Variants in PVALB observed in about 807,000 individuals in gnomAD.
PVALB encodes the protein parvalbumin.
PVALB carries 11 observed loss-of-function variants against 10.9 expected under a neutral mutation model. That is an observed-to-expected ratio of 1.01 (90% CI 0.63 to 1.67). The LOEUF is 1.67. Ranked by LOEUF, PVALB falls within the 40% of genes most tolerant of loss-of-function variation. The pLI is 0.00. For synonymous variants in PVALB, 57 were observed against 50.7 expected, an observed-to-expected ratio of 1.12 and a Z score of -0.53; for missense variants, 131 against 136.2, an observed-to-expected ratio of 0.96 and a Z score of 0.19.
Position 36,815,243 on chromosome 22 carries a change from G to T in PVALB, c.62-8C>A, listed in dbSNP as rs201649417. 3.7e-6 allele frequency: 6 copies of T among 1,614,120 alleles called. No homozygotes were observed. Among genetic ancestry groups the T allele is most frequent in the Middle Eastern group, 1.6e-4 (1 of 6,062 alleles). On this transcript the variant is annotated splice_region_variant and splice_polypyrimidine_tract_variant and intron_variant, in intron 1 of 3. Coordinates refer to ENST00000417718, the MANE Select transcript of PVALB (RefSeq NM_001315532.2). ...GGTCGAAGGAGTCGGTAGCTGTGGGGGGAAGAGCAGGGTCAAACAAGGACC... is the reference window on the plus strand; with the variant it reads ...GGTCGAAGGAGTCGGTAGCTGTGGGTGGAAGAGCAGGGTCAAACAAGGACC...
At position 36,809,690 on chromosome 22, in the gene PVALB, G is replaced by A. The variant is rs569042259; in HGVS notation, c.304+3956C>T. Among the ~76,000 whole-genome samples the A allele has an allele frequency of 1.4e-4, 22 of 152,200 alleles. No individual in the cohort carries two copies. The South Asian group carries it at 3.3e-3, about 23-fold the overall frequency. Reference sequence around the variant, plus strand: ...GCACGGTGCCTGGCACATATTGAGCGCTCTATGAACTTAGATGCTATTGCC... The same window carrying A: ...GCACGGTGCCTGGCACATATTGAGCACTCTATGAACTTAGATGCTATTGCC... On this transcript the variant is annotated intron_variant, in intron 3 of 3. Transcript: ENST00000417718.
At chr22:36,819,212 G>A (rs531419419), upstream of PVALB, among the ~76,000 whole-genome samples, 5 of 152,246 alleles carry the variant, frequency 3.3e-5, 1 homozygote, top group Admixed American at 1.3e-4. Context: ...CACGGGGGGC[G>A]GTGGGTGGGG....
intron 3 of PVALB, among the ~76,000 whole-genome samples, chr22:36,806,362 A>T (rs1056111219): frequency 2.6e-5 from 4 of 152,114 alleles, no homozygotes; most frequent in African/African-American, 9.7e-5. Flanking sequence ...GGACTAGAGG[A>T]TTCTGTTCTT....
At chr22:36,803,263 T>C (rs1938896392) in intron 3 of PVALB, among the ~76,000 whole-genome samples, 1 of 152,194 alleles carries the variant, frequency 6.6e-6, no homozygotes, top group Admixed American at 6.5e-5. Flanking sequence ...TTGACCTTGG[T>C]ATAGAGTGAC....
chr22:36,815,481 C>A, intron 1 of PVALB: 1 of 539,794 alleles, frequency 1.9e-6, no homozygotes, highest in South Asian at 2.0e-5. Flanking sequence ...AAGCCCGCCC[C>A]CACGCCCCAC....
rs139217594 is a variant in PVALB at position 36,803,625 on chromosome 22, A to G, written c.305-2707T>C. Among the ~76,000 whole-genome samples, 24 of 143,786 alleles carry G rather than the reference A, an allele frequency of 1.7e-4. No individual in the cohort carries two copies. In the East Asian group the frequency reaches 5.0e-3, roughly 30 times the overall value. 94.3% of individuals were successfully genotyped at this position (143,786 alleles called of 152,430 possible). A position where few individuals can be genotyped will look rare whatever the true frequency, so the allele number is the denominator to read the frequency against. On this transcript the variant is annotated intron_variant, in intron 3 of 3. Coordinates refer to ENST00000417718, the MANE Select transcript of PVALB (RefSeq NM_001315532.2). ...GGAGGGATGAGGAATGGATGGATAG[A>G]GGGATGGATAAAGGGAGAGAAAGAT...
chr22:36,816,047 G>T (rs1601525020), intron 1 of PVALB, among the ~76,000 whole-genome samples: 4 of 148,594 alleles, frequency 2.7e-5, no homozygotes, highest in Admixed American at 2.1e-4. Context: ...CATGTATTTT[G>T]TGTGTGTGTG....
intron 3 of PVALB, among the ~76,000 whole-genome samples, chr22:36,810,074 G>A (rs566560705): frequency 3.8e-4 from 58 of 152,170 alleles, no homozygotes; most frequent in Admixed American, 2.4e-3. Context: ...TAGTAGAGGT[G>A]GGGTTTCACC....
At chr22:36,808,068 A>G in intron 3 of PVALB, among the ~76,000 whole-genome samples, 1 of 152,234 alleles carries the variant, frequency 6.6e-6, no homozygotes, top group East Asian at 1.9e-4. Context: ...GAATGTAACT[A>G]GGACTGCGTG....
intron 3 of PVALB, among the ~76,000 whole-genome samples, chr22:36,808,897 G>T (rs1384203907): frequency 1.3e-5 from 2 of 152,108 alleles, no homozygotes; most frequent in East Asian, 3.9e-4. Context: ...CCCCATGTCA[G>T]CTCTGCACCA....
chr22:36,819,038 C>T (rs189518988), upstream of PVALB, among the ~76,000 whole-genome samples: 8 of 152,320 alleles, frequency 5.3e-5, no homozygotes, highest in East Asian at 7.7e-4. Flanking sequence ...ACACCCCCTC[C>T]GGGACTGAGC....
chr22:36,805,112 C>T (rs1283952859), intron 3 of PVALB, among the ~76,000 whole-genome samples: 1 of 152,190 alleles, frequency 6.6e-6, no homozygotes, highest in Non-Finnish European at 1.5e-5. Context: ...CTCATCCTCC[C>T]TGGTCTTGCT....
At chr22:36,816,878 G>A (rs533768366) in intron 1 of PVALB, 67 bp downstream of exon 1, 5 of 1,381,056 alleles carry the variant, frequency 3.6e-6, no homozygotes, top group East Asian at 5.2e-5. Flanking sequence ...CTGCGGGGCC[G>A]GCGGAGTGCA....
intron 3 of PVALB, among the ~76,000 whole-genome samples, chr22:36,801,246 C>A (rs1042753389): frequency 6.6e-6 from 1 of 152,126 alleles, no homozygotes; most frequent in African/African-American, 2.4e-5. Flanking sequence ...AGGCACTATT[C>A]GAAACACTTT....
rs755230427 is a variant in PVALB, at chr22:36,800,935, C to G, written c.305-17G>C. On this transcript the variant is annotated splice_polypyrimidine_tract_variant and intron_variant, in intron 3 of 3. Coordinates refer to ENST00000417718, the MANE Select transcript of PVALB (RefSeq NM_001315532.2). ...TGGAGAATTCTGCAGAACAAAATGA[C>G]AAGGAAAGTGAGTCAGAGGCGGGGA... is the stretch of plus-strand genomic sequence containing the variant. The G allele has an allele frequency of 6.2e-7, 1 of 1,606,928 alleles. No individual in the cohort carries two copies. Among genetic ancestry groups the G allele is most frequent in the South Asian group, 1.1e-5 (1 of 90,886 alleles).
At chr22:36,802,989 G>A (rs999071400) in intron 3 of PVALB, among the ~76,000 whole-genome samples, 1 of 152,216 alleles carries the variant, frequency 6.6e-6, no homozygotes, top group East Asian at 1.9e-4. Flanking sequence ...GGTGGGGCAG[G>A]TGGTTATTTT....
At chr22:36,819,077 G>A (rs575904731), upstream of PVALB, among the ~76,000 whole-genome samples, 2 of 152,306 alleles carry the variant, frequency 1.3e-5, no homozygotes, top group South Asian at 2.1e-4. Context: ...AATGTCATTA[G>A]GTCAGCCCAT....
upstream of PVALB, chr22:36,817,221 G>A: frequency 2.7e-6 from 1 of 374,630 alleles, no homozygotes. Context: ...GAAGGCGCGC[G>A]GACCTGCTAC....
chr22:36,801,735 G>A (rs1385353424), intron 3 of PVALB, among the ~76,000 whole-genome samples: 2 of 152,210 alleles, frequency 1.3e-5, no homozygotes, highest in African/African-American at 4.8e-5. Context: ...AGAAGGCAGA[G>A]GTTGCAGTGA....
Sources: allele counts gnomAD v4.1 joint callset (sites outside exome capture counted in the v4.1 genomes callset), GRCh38; gene constraint gnomAD v4.1.1; transcripts MANE v1.5; gene names NCBI Gene and HGNC (gene_info 2026-07-23, HGNC 2026-07-21).